Variants in AGBL1 observed in about 807,000 individuals in gnomAD.
AGBL1 encodes cytosolic carboxypeptidase 4.
A neutral mutation model predicts 118.9 loss-of-function variants in AGBL1; 130 were observed. That is an observed-to-expected ratio of 1.09 (90% CI 0.95 to 1.26). AGBL1 has a LOEUF of 1.26. AGBL1 is among the 50% of genes most tolerant of loss of function. AGBL1 has a pLI of 0.00. For synonymous variants in AGBL1, 555 were observed against 478.9 expected (o/e 1.16, Z -2.08); for missense variants, 1,584 against 1,298.1 (o/e 1.22, Z -3.38).
In AGBL1 at chr15:86,250,573, A is replaced by G. The variant is rs77613734; in HGVS notation, c.735+2694A>G. ...AAAAAAAAAAAAAAAAAAAAAAAAA[A>G]GGTGTGCTCTTCCAGAGAAAATGTT... On this transcript the variant is annotated intron_variant, in intron 7 of 22. Coordinates refer to ENST00000614907, the MANE Select transcript of AGBL1 (RefSeq NM_001386094.1). Among the ~76,000 whole-genome samples the G allele has an allele frequency of 6.7e-3, 857 of 128,374 alleles. 37 individuals carry two copies. The highest frequency in any genetic ancestry group is 0.066 in the Admixed American group (690 of 10,448). 84.2% of individuals were successfully genotyped at this position (128,374 alleles called of 152,430 possible).
chr15:86,312,798 A>C (rs1452303824), intron 17 of AGBL1, among the ~76,000 whole-genome samples: 1 of 152,210 alleles, frequency 6.6e-6, no homozygotes, highest in Non-Finnish European at 1.5e-5. Flanking sequence ...TAGAAAGACC[A>C]GCAGGGCTCT....
chr15:86,985,688 T>G (rs1257831745), intron 23 of AGBL1, among the ~76,000 whole-genome samples: 1 of 152,184 alleles, frequency 6.6e-6, no homozygotes, highest in Non-Finnish European at 1.5e-5. Flanking sequence ...TACCTTCTCA[T>G]TGTCCCAGTG....
chr15:86,563,866 A>T (rs1481768432), intron 21 of AGBL1, among the ~76,000 whole-genome samples: 1 of 152,070 alleles, frequency 6.6e-6, no homozygotes, highest in African/African-American at 2.4e-5. Context: ...TGTTGAATTG[A>T]TCCCTTTACC....
At chr15:86,180,317 A>G (rs894533389) in intron 5 of AGBL1, among the ~76,000 whole-genome samples, 2 of 152,124 alleles carry the variant, frequency 1.3e-5, no homozygotes, top group East Asian at 3.8e-4. Flanking sequence ...ACAGTATGGA[A>G]GATAGTGGGG....
chr15:86,603,502 C>A (rs527579577), intron 21 of AGBL1, among the ~76,000 whole-genome samples: 10 of 152,162 alleles, frequency 6.6e-5, no homozygotes, highest in Middle Eastern at 3.4e-3. Flanking sequence ...TTCCTGTCCC[C>A]CTTAGCCCCC....
chr15:86,383,077 A>T (rs2081134069), intron 17 of AGBL1, among the ~76,000 whole-genome samples: 1 of 151,766 alleles, frequency 6.6e-6, no homozygotes, highest in Non-Finnish European at 1.5e-5. Context: ...CTTCTATGTT[A>T]TTGGTCCTTA....
intron 5 of AGBL1, among the ~76,000 whole-genome samples, chr15:86,165,462 A>G (rs2077327687): frequency 6.6e-6 from 1 of 152,118 alleles, no homozygotes; most frequent in Non-Finnish European, 1.5e-5. Flanking sequence ...ATCTGATCAT[A>G]GTAACTGATA....
intron 17 of AGBL1, among the ~76,000 whole-genome samples, chr15:86,367,550 G>T (rs577063170): frequency 6.6e-6 from 1 of 151,774 alleles, no homozygotes; most frequent in Non-Finnish European, 1.5e-5. Context: ...GATCATACTT[G>T]CCTGAACCAC....
chr15:86,434,681 C>T (rs563525107), intron 18 of AGBL1, among the ~76,000 whole-genome samples: 5 of 152,112 alleles, frequency 3.3e-5, no homozygotes, highest in Non-Finnish European at 7.4e-5. Context: ...TAGTCGGTCC[C>T]CTCTATTTTT....
chr15:86,501,091 C>T (rs1239862610), intron 18 of AGBL1, among the ~76,000 whole-genome samples: 1 of 148,870 alleles, frequency 6.7e-6, no homozygotes. Flanking sequence ...AACTACAAAC[C>T]TACTTCAAAG....
chr15:86,839,246 G>T (rs1007910717), intron 22 of AGBL1, among the ~76,000 whole-genome samples: 2 of 152,138 alleles, frequency 1.3e-5, no homozygotes, highest in African/African-American at 4.8e-5. Context: ...TCTCTGAAAA[G>T]CCATGAATGA....
intron 2 of AGBL1, 35 bp from the exon 3 acceptor site, chr15:86,143,664 A>G (rs748364615): frequency 6.2e-7 from 1 of 1,608,338 alleles, no homozygotes; most frequent in Non-Finnish European, 8.5e-7. Flanking sequence ...GGGGATTATT[A>G]CTTGTGGCTC....
chr15:86,645,009 G>A (rs900589663), intron 21 of AGBL1, among the ~76,000 whole-genome samples: 4 of 151,978 alleles, frequency 2.6e-5, no homozygotes, highest in African/African-American at 4.8e-5. Flanking sequence ...TGACAAGAGC[G>A]AGACTGTCTC....
intron 5 of AGBL1, among the ~76,000 whole-genome samples, chr15:86,200,399 A>G (rs1055349991): frequency 4.6e-5 from 7 of 152,182 alleles, no homozygotes; most frequent in Non-Finnish European, 8.8e-5. Context: ...TATGCCATCT[A>G]TGGCATTTTT....
intron 17 of AGBL1, among the ~76,000 whole-genome samples, chr15:86,324,220 G>C (rs972812450): frequency 1.3e-5 from 2 of 152,146 alleles, no homozygotes; most frequent in African/African-American, 4.8e-5. Context: ...CAAACAAATA[G>C]AATGTGTAAG....
chr15:86,305,514 CATATT>C (rs1423475556), intron 17 of AGBL1, among the ~76,000 whole-genome samples: 2 of 152,054 alleles, frequency 1.3e-5, no homozygotes, highest in Non-Finnish European at 2.9e-5. Flanking sequence ...ATGGGTGTCT[CATATT>C]ATTTTCTGCC....
intron 21 of AGBL1, among the ~76,000 whole-genome samples, chr15:86,620,916 C>T (rs922771358): frequency 6.6e-6 from 1 of 151,374 alleles, no homozygotes; most frequent in Admixed American, 6.6e-5. Context: ...TTGAATATTT[C>T]TCTTCAAAGG....
At chr15:86,732,132 A>G (rs1052984218) in intron 22 of AGBL1, among the ~76,000 whole-genome samples, 1 of 152,246 alleles carries the variant, frequency 6.6e-6, no homozygotes, top group Non-Finnish European at 1.5e-5. Flanking sequence ...GCGGACAGTA[A>G]ATAGCAGAGC....
chr15:86,897,589 G>C (rs1596607424), intron 22 of AGBL1, among the ~76,000 whole-genome samples: 2 of 150,916 alleles, frequency 1.3e-5, no homozygotes, highest in East Asian at 3.9e-4. Flanking sequence ...TTATTCCTTG[G>C]ATATGTTCAG....
Sources: allele counts gnomAD v4.1 joint callset (sites outside exome capture counted in the v4.1 genomes callset), GRCh38; gene constraint gnomAD v4.1.1; transcripts MANE v1.5; gene names NCBI Gene and HGNC (gene_info 2026-07-23, HGNC 2026-07-21).